The following ULK4 variants were observed in gnomAD, a reference collection of about 807,000 sequenced individuals.
ULK4 encodes unc-51 like kinase 4.
ULK4 carries 133 observed loss-of-function variants against 160.6 expected under a neutral mutation model. The ratio of observed to expected loss-of-function variants is 0.83; its 90% CI spans 0.72 to 0.96. The LOEUF (loss-of-function observed/expected upper bound fraction) is 0.96. Ranked by LOEUF, ULK4 falls within the 40% of genes least tolerant of loss-of-function variation. The pLI is 0.00. For synonymous variants in ULK4, 534 were observed against 539.8 expected, an observed-to-expected ratio of 0.99 and a Z score of 0.15; for missense variants, 1,580 against 1,499.5, an observed-to-expected ratio of 1.05 and a Z score of -0.89.
chr3:41,417,219 G>A (rs984680831), intron 34 of ULK4, among the ~76,000 whole-genome samples: 5 of 152,126 alleles, frequency 3.3e-5, no homozygotes, highest in Non-Finnish European at 7.4e-5. Context: ...AGACTTAGAC[G>A]TGATTCTGGA....
At chr3:41,859,824 ATTTTTTT>A (rs397875093) in intron 17 of ULK4, among the ~76,000 whole-genome samples, 2 of 115,906 alleles carry the variant, frequency 1.7e-5, no homozygotes, top group East Asian at 2.4e-4. Context: ...TGCCTGGCTA[ATTTTTTT>A]TTTTTTTTTT....
At chr3:41,440,522 T>C (rs1313759750) in intron 34 of ULK4, among the ~76,000 whole-genome samples, 1 of 152,182 alleles carries the variant, frequency 6.6e-6, no homozygotes, top group Non-Finnish European at 1.5e-5. Flanking sequence ...TTGGCCATGG[T>C]ATATTTATTC....
At chr3:41,360,670 A>C (rs1161469785) in intron 35 of ULK4, among the ~76,000 whole-genome samples, 1 of 152,214 alleles carries the variant, frequency 6.6e-6, no homozygotes, top group African/African-American at 2.4e-5. Flanking sequence ...CAGGAACAGA[A>C]AACCAAATAC....
At position 41,861,498 on chromosome 3, in the gene ULK4, A is replaced by G. The variant is rs181737240; in HGVS notation, c.1656+22376T>C. 3.9e-5 allele frequency among the ~76,000 whole-genome samples: 6 copies of G among 152,320 alleles called. No homozygotes were observed. In the East Asian group the frequency reaches 1.2e-3, roughly 29 times the overall value. The stretch of plus-strand genomic sequence containing the variant: ...CTCCTGGGCTTTAAGGTTTACACTG[A>G]AAAGTGTGCTGCCAGATGTACTGGA... On this transcript the variant is annotated intron_variant, in intron 17 of 36. Transcript: ENST00000301831.
intron 30 of ULK4, among the ~76,000 whole-genome samples, chr3:41,640,604 C>T (rs1218915149): frequency 6.6e-6 from 1 of 152,106 alleles, no homozygotes; most frequent in African/African-American, 2.4e-5. Flanking sequence ...CACGGAGAAT[C>T]ACTGCCCCAA....
chr3:41,612,166 G>T (rs1159068203), intron 31 of ULK4, among the ~76,000 whole-genome samples: 1 of 152,154 alleles, frequency 6.6e-6, no homozygotes, highest in African/African-American at 2.4e-5. Context: ...AGGATCTGTA[G>T]ATTTTAGTAT....
chr3:41,452,494 G>C (rs1413916549), intron 34 of ULK4, among the ~76,000 whole-genome samples: 1 of 152,156 alleles, frequency 6.6e-6, no homozygotes, highest in Non-Finnish European at 1.5e-5. Context: ...CTTACAAGGA[G>C]TGTAAGCAAA....
chr3:41,876,623 T>C (rs1490871219), intron 17 of ULK4, among the ~76,000 whole-genome samples: 3 of 152,176 alleles, frequency 2.0e-5, no homozygotes, highest in Non-Finnish European at 2.9e-5. Context: ...AGGCTTTTAA[T>C]AGCCAAATAC....
rs1699123139 is a variant in ULK4, at chr3:41,919,788, A to G, written c.572T>C (p.Val191Ala). The G allele has an allele frequency of 6.2e-7, 1 of 1,613,924 alleles. No individual in the cohort carries two copies. Among genetic ancestry groups the G allele is most frequent in the African/African-American group, 1.3e-5 (1 of 74,906 alleles). Reference sequence around the variant, plus strand: ...GGAGATGGAAAAGTCAGCACCCCTCACAACTTCTGGTGCTGTATATACAGG... The same window carrying G: ...GGAGATGGAAAAGTCAGCACCCCTCGCAACTTCTGGTGCTGTATATACAGG... ...GSPVYTAPEV[V>A]RGADFSISSD... is the part of the protein sequence containing the mutation. The change falls in exon 6 of 37, where the codon GTG (valine) becomes GCG (alanine). Residue 191 changes from valine to alanine, a missense_variant. Physicochemically the swap from Val to Ala is moderately conservative, Grantham distance 64. Coordinates refer to ENST00000301831, the MANE Select transcript of ULK4 (RefSeq NM_017886.4).
At chr3:41,410,411 GAAC>G (rs938588406) in intron 34 of ULK4, among the ~76,000 whole-genome samples, 4 of 151,928 alleles carry the variant, frequency 2.6e-5, no homozygotes, top group African/African-American at 9.7e-5. Context: ...ACAGCTAAGA[GAAC>G]AAAAAAATCA....
At chr3:41,276,941 C>T (rs1559500390) in intron 35 of ULK4, among the ~76,000 whole-genome samples, 2 of 152,082 alleles carry the variant, frequency 1.3e-5, no homozygotes, top group East Asian at 1.9e-4. Flanking sequence ...GATATTACAA[C>T]TGACACAACT....
intron 22 of ULK4, among the ~76,000 whole-genome samples, chr3:41,725,904 T>C (rs1424138995): frequency 6.6e-6 from 1 of 152,206 alleles, no homozygotes; most frequent in Admixed American, 6.5e-5. Context: ...GAGACTGAGA[T>C]GATTCAAAAA....
At chr3:41,794,216 C>A (rs565968446) in intron 20 of ULK4, among the ~76,000 whole-genome samples, 5 of 152,286 alleles carry the variant, frequency 3.3e-5, no homozygotes, top group African/African-American at 1.2e-4. Flanking sequence ...ACAAGTGGAA[C>A]AACATGTAGA....
chr3:41,953,338 T>G (rs1387185538), intron 2 of ULK4, among the ~76,000 whole-genome samples: 1 of 142,260 alleles, frequency 7.0e-6, no homozygotes, highest in African/African-American at 2.5e-5. Context: ...GTCCCACTCT[T>G]GTCACCCAGG....
rs760350594 is a variant in ULK4, at chr3:41,954,651, T to A, written c.109A>T (p.Lys37Ter). 3 of 1,613,774 alleles carry A rather than the reference T, an allele frequency of 1.9e-6. No individual in the cohort carries two copies. The highest frequency in any genetic ancestry group is 2.5e-6 in the Non-Finnish European group (3 of 1,179,868). The change falls in exon 2 of 37, where the codon AAG (lysine) becomes TAG (stop). Residue 37 changes from lysine to a stop codon, truncating the protein, a stop_gained. Coordinates refer to ENST00000301831, the MANE Select transcript of ULK4 (RefSeq NM_017886.4). LOFTEE classifies it high-confidence loss of function. The stretch of plus-strand genomic sequence containing the variant: ...TTGGTTATTTCAGGCCTTTTGCACT[T>A]ATCAGTACAAAGAATGGCTACAAAA... ...INFVAILCTD[K>*]CKRPEITNWV...
chr3:41,744,702 T>C (rs1430084290), intron 22 of ULK4, among the ~76,000 whole-genome samples: 1 of 151,752 alleles, frequency 6.6e-6, no homozygotes, highest in Non-Finnish European at 1.5e-5. Context: ...AACAACGCAA[T>C]GAAACAACAA....
rs1293416342 is a variant in ULK4, at chr3:41,882,180, A to T, written c.1656+1694T>A. ...CTGATACAGTTTTATTTATTTTGAA[A>T]TATTTGTCAGTATCTATACATACAC... On this transcript the variant is annotated intron_variant, in intron 17 of 36. Transcript: ENST00000301831. 1.6e-5 allele frequency: 11 copies of T among 702,368 alleles called. No homozygotes were observed. The South Asian group carries it at 1.6e-4, about 10-fold the overall frequency. 43.5% of individuals were successfully genotyped at this position (702,368 alleles called of 1,614,324 possible).
chr3:41,307,886 T>A (rs1334485893), intron 35 of ULK4, among the ~76,000 whole-genome samples: 1 of 151,914 alleles, frequency 6.6e-6, no homozygotes, highest in Non-Finnish European at 1.5e-5. Context: ...AATAGGAAAA[T>A]CCTCAGTGGG....
At chr3:41,467,510 G>A (rs1004158280) in intron 32 of ULK4, among the ~76,000 whole-genome samples, 1 of 152,180 alleles carries the variant, frequency 6.6e-6, no homozygotes, top group Non-Finnish European at 1.5e-5. Flanking sequence ...CTGGGTGATA[G>A]AGCACGACTC....
Sources: gnomAD v4.1 joint callset for allele counts (sites outside exome capture counted in the v4.1 genomes callset) on GRCh38, gnomAD v4.1.1 for gene constraint, MANE v1.5 for transcripts, NCBI Gene and HGNC (gene_info 2026-07-23, HGNC 2026-07-21) for gene names.